The following GALNTL6 variants were observed in gnomAD, a reference collection of about 807,000 sequenced individuals.
GALNTL6 encodes the protein polypeptide N-acetylgalactosaminyltransferase-like 6.
Under a neutral mutation model 73.7 loss-of-function variants are expected in GALNTL6, and 46 were observed. The observed-to-expected ratio is 0.62, with a 90% CI of 0.49 to 0.80. The LOEUF is 0.80. Ranked by LOEUF, GALNTL6 falls within the 30% of genes least tolerant of loss-of-function variation. The pLI, the probability that GALNTL6 is intolerant of heterozygous loss-of-function variation, is 0.00. For synonymous variants in GALNTL6, 259 were observed against 263.7 expected (o/e 0.98, Z 0.17); for missense variants, 604 against 755.0 (o/e 0.80, Z 2.34).
At chr4:172,240,008 G>A (rs1737366466) in intron 3 of GALNTL6, among the ~76,000 whole-genome samples, 1 of 152,110 alleles carries the variant, frequency 6.6e-6, no homozygotes, top group Non-Finnish European at 1.5e-5. Context: ...CTTTCATGTT[G>A]ACCTTGGAGA....
At chr4:172,479,317 T>TACAC (rs60085866) in intron 5 of GALNTL6, among the ~76,000 whole-genome samples, 2 of 151,334 alleles carry the variant, frequency 1.3e-5, no homozygotes, top group African/African-American at 4.9e-5. Context: ...TGTGTATACA[T>TACAC]ACACACACAC....
intron 5 of GALNTL6, among the ~76,000 whole-genome samples, chr4:172,494,600 C>T (rs1295817010): frequency 6.6e-6 from 1 of 152,180 alleles, no homozygotes; most frequent in Non-Finnish European, 1.5e-5. Context: ...GTCCGAGTCC[C>T]AAAACCACAA....
At chr4:173,021,838 C>CA (rs923542254) in intron 12 of GALNTL6, among the ~76,000 whole-genome samples, 4 of 151,288 alleles carry the variant, frequency 2.6e-5, no homozygotes, top group South Asian at 2.1e-4. Flanking sequence ...ACTGAAAATA[C>CA]AAAAAAAAGT....
chr4:172,574,075 A>C (rs1322442491), intron 5 of GALNTL6, among the ~76,000 whole-genome samples: 1 of 152,130 alleles, frequency 6.6e-6, no homozygotes, highest in African/African-American at 2.4e-5. Context: ...AAAAAAAGGA[A>C]ACTTTCCTTC....
At chr4:173,021,985 C>G (rs1013820265) in intron 12 of GALNTL6, among the ~76,000 whole-genome samples, 1 of 139,930 alleles carries the variant, frequency 7.1e-6, no homozygotes, top group Non-Finnish European at 1.5e-5. Context: ...CAGGGCAAGA[C>G]TCTGTTAAGA....
intron 5 of GALNTL6, among the ~76,000 whole-genome samples, chr4:172,371,418 T>C (rs1268984158): frequency 1.3e-5 from 2 of 152,262 alleles, no homozygotes; most frequent in African/African-American, 4.8e-5. Flanking sequence ...GGTGGTATTG[T>C]AGTGTTACAG....
intron 5 of GALNTL6, among the ~76,000 whole-genome samples, chr4:172,721,400 C>G (rs978751157): frequency 6.6e-6 from 1 of 152,024 alleles, no homozygotes; most frequent in East Asian, 1.9e-4. Flanking sequence ...GCATGAATAC[C>G]AAGAAAGAAT....
At chr4:172,720,520 A>G (rs1177111718) in intron 5 of GALNTL6, among the ~76,000 whole-genome samples, 2 of 152,182 alleles carry the variant, frequency 1.3e-5, no homozygotes, top group Non-Finnish European at 2.9e-5. Context: ...GCTCCTATTC[A>G]AGATGGAGTT....
At position 172,610,939 on chromosome 4, in the gene GALNTL6, A is replaced by G. The variant is rs369913880; in HGVS notation, c.554-198422A>G. ...GAATTAAACCCTTTACAATTATGTA[A>G]TGGCCTTGTCTTTTTGGATCATTGT... On this transcript the variant is annotated intron_variant, in intron 5 of 12. Coordinates refer to ENST00000506823, the MANE Select transcript of GALNTL6 (RefSeq NM_001034845.3). Among the ~76,000 whole-genome samples, 23 of 152,120 alleles carry G rather than the reference A, an allele frequency of 1.5e-4. No individual in the cohort carries two copies. In the East Asian group the frequency reaches 4.1e-3, roughly 27 times the overall value.
At chr4:171,851,950 G>A (rs755272580) in intron 2 of GALNTL6, among the ~76,000 whole-genome samples, 1 of 152,210 alleles carries the variant, frequency 6.6e-6, no homozygotes, top group African/African-American at 2.4e-5. Context: ...GGAATAAAAG[G>A]TAAGCACAGA....
chr4:172,824,691 T>G (rs1742140356), intron 7 of GALNTL6, among the ~76,000 whole-genome samples: 1 of 152,142 alleles, frequency 6.6e-6, no homozygotes, highest in Admixed American at 6.5e-5. Flanking sequence ...TCAGGATCAC[T>G]CGTGGAGGTA....
intron 5 of GALNTL6, among the ~76,000 whole-genome samples, chr4:172,398,590 G>C (rs6553633): frequency 0.15 from 23,547 of 152,120 alleles, 2,026 homozygotes; most frequent in East Asian, 0.33. Flanking sequence ...ACAGTACTAA[G>C]TTAAAGAGTA....
intron 5 of GALNTL6, among the ~76,000 whole-genome samples, chr4:172,619,988 C>T (rs1372860364): frequency 6.6e-6 from 1 of 152,162 alleles, no homozygotes; most frequent in Non-Finnish European, 1.5e-5. Flanking sequence ...GCAAACATGT[C>T]ACATGCCTCT....
intron 2 of GALNTL6, among the ~76,000 whole-genome samples, chr4:171,977,492 CTG>C (rs1159111014): frequency 6.6e-6 from 1 of 152,060 alleles, no homozygotes; most frequent in Non-Finnish European, 1.5e-5. Context: ...GTGTAGATGG[CTG>C]TCTTCTCTCT....
In GALNTL6 at chr4:172,804,605, T is replaced by C. The variant is rs576465913; in HGVS notation, c.554-4756T>C. Among the ~76,000 whole-genome samples, 33 of 152,320 alleles carry C rather than the reference T, an allele frequency of 2.2e-4. 1 individual carries two copies. The South Asian group carries it at 5.6e-3, about 26-fold the overall frequency. On this transcript the variant is annotated intron_variant, in intron 5 of 12. Coordinates refer to ENST00000506823, the MANE Select transcript of GALNTL6 (RefSeq NM_001034845.3). The stretch of plus-strand genomic sequence containing the variant: ...CTGGGGCAGCGGTTGGCATGACCTT[T>C]AGTGAGTCTTCCACTTAGCAATGTC...
chr4:171,991,926 T>C (rs1201381153), intron 2 of GALNTL6, among the ~76,000 whole-genome samples: 1 of 151,778 alleles, frequency 6.6e-6, no homozygotes, highest in Admixed American at 6.6e-5. Context: ...AAAAAATCCA[T>C]AAAATGAACA....
At chr4:171,827,852 C>T (rs1000919446) in intron 2 of GALNTL6, among the ~76,000 whole-genome samples, 1 of 151,908 alleles carries the variant, frequency 6.6e-6, no homozygotes, top group African/African-American at 2.4e-5. Flanking sequence ...GGTACACTTA[C>T]CTGTGGATTT....
intron 3 of GALNTL6, among the ~76,000 whole-genome samples, chr4:172,262,634 T>C (rs1356150777): frequency 1.3e-5 from 2 of 151,580 alleles, no homozygotes; most frequent in African/African-American, 4.8e-5. Flanking sequence ...GTGTTAGTAT[T>C]GAGATGTGAA....
intron 7 of GALNTL6, among the ~76,000 whole-genome samples, chr4:172,837,586 A>T (rs1252238630): frequency 6.6e-6 from 1 of 152,238 alleles, no homozygotes; most frequent in Non-Finnish European, 1.5e-5. Context: ...CAACAAAAAA[A>T]TTAGAAGAGA....
Sources: gnomAD v4.1 joint callset for allele counts (sites outside exome capture counted in the v4.1 genomes callset) on GRCh38, gnomAD v4.1.1 for gene constraint, MANE v1.5 for transcripts, NCBI Gene and HGNC (gene_info 2026-07-23, HGNC 2026-07-21) for gene names.